The following RGS7 variants were observed in gnomAD, a reference collection of about 807,000 sequenced individuals.
RGS7 encodes regulator of G protein signaling 7, also known as regulator of G-protein signaling 7.
In RGS7, 27 loss-of-function variants were observed where a neutral mutation model predicts 81.1. That is an observed-to-expected ratio of 0.33 (90% CI 0.25 to 0.46). The LOEUF (loss-of-function observed/expected upper bound fraction) is 0.46. RGS7 is among the 20% of genes least tolerant of loss of function. The pLI, the probability that RGS7 is intolerant of heterozygous loss-of-function variation, is 1.00. For synonymous variants in RGS7, 208 were observed against 207.7 expected (o/e 1.00, Z -0.01); for missense variants, 396 against 607.4 (o/e 0.65, Z 3.66).
At position 240,878,489 on chromosome 1, in the gene RGS7, CTT is replaced by C. The variant is rs57896753; in HGVS notation, c.386-8372_386-8371del. Among the ~76,000 whole-genome samples, 1,000 of 117,538 alleles carry C rather than the reference CTT, an allele frequency of 8.5e-3. 3 individuals carry two copies. The highest frequency in any genetic ancestry group is 9.9e-3 in the African/African-American group (323 of 32,512). 77.1% of individuals were successfully genotyped at this position (117,538 alleles called of 152,430 possible). On this transcript the variant is annotated intron_variant, in intron 6 of 18. Coordinates refer to ENST00000440928, the MANE Select transcript of RGS7 (RefSeq NM_001364886.1). ...CTTTTCTTTCTTTTCTTTTTTCTTT[CTT>C]TTTTTTTTTTTTTTGCTTTGATGAA...
At chr1:241,196,718 T>G (rs971347386) in intron 2 of RGS7, among the ~76,000 whole-genome samples, 9 of 152,062 alleles carry the variant, frequency 5.9e-5, no homozygotes, top group African/African-American at 2.2e-4. Context: ...ACAATAATAC[T>G]AAAGTCTTAT....
At chr1:241,154,844 A>G (rs560943399) in intron 2 of RGS7, among the ~76,000 whole-genome samples, 1 of 152,268 alleles carries the variant, frequency 6.6e-6, no homozygotes, top group South Asian at 2.1e-4. Context: ...CCATCTAACA[A>G]ATGCTCACGT....
At chr1:241,162,486 C>T (rs2103206631) in intron 2 of RGS7, among the ~76,000 whole-genome samples, 1 of 152,308 alleles carries the variant, frequency 6.6e-6, no homozygotes, top group Non-Finnish European at 1.5e-5. Context: ...AAAAACCCTG[C>T]CAAGGTATAA....
chr1:241,060,994 G>A (rs1199575613), intron 3 of RGS7, among the ~76,000 whole-genome samples: 2 of 152,218 alleles, frequency 1.3e-5, no homozygotes, highest in African/African-American at 2.4e-5. Flanking sequence ...GGCTGTGCCA[G>A]GCCCATGCCA....
In RGS7 at chr1:240,812,342, G is replaced by A. The variant is rs145448361; in HGVS notation, c.957-299C>T. On this transcript the variant is annotated intron_variant, in intron 13 of 18. Transcript: ENST00000440928. Reference sequence around the variant, plus strand: ...TTAATCTTATTATTTTCCAGATGAGGACAGTGAGGCACAGTATTATCACTT... The same window carrying A: ...TTAATCTTATTATTTTCCAGATGAGAACAGTGAGGCACAGTATTATCACTT... 9.9e-3 allele frequency among the ~76,000 whole-genome samples: 1,512 copies of A among 152,058 alleles called. 22 individuals are homozygous for A. Among genetic ancestry groups the A allele is most frequent in the African/African-American group, 0.035 (1,431 of 41,472 alleles).
chr1:240,999,866 G>A (rs913823721), intron 3 of RGS7, among the ~76,000 whole-genome samples: 1 of 152,086 alleles, frequency 6.6e-6, no homozygotes, highest in African/African-American at 2.4e-5. Flanking sequence ...GCCTATCAAA[G>A]TGCTGCGACT....
intron 2 of RGS7, among the ~76,000 whole-genome samples, chr1:241,167,133 G>A (rs1220674854): frequency 6.6e-6 from 1 of 152,156 alleles, no homozygotes; most frequent in Non-Finnish European, 1.5e-5. Flanking sequence ...ACAGACCCGG[G>A]GGAGAGGACG....
At chr1:241,227,396 G>T (rs1311950847) in intron 2 of RGS7, among the ~76,000 whole-genome samples, 1 of 152,064 alleles carries the variant, frequency 6.6e-6, no homozygotes, top group African/African-American at 2.4e-5. Context: ...AAGTCTCTGA[G>T]GCGGCAGGCA....
chr1:241,068,258 A>ATATAT (rs372573670), intron 3 of RGS7, among the ~76,000 whole-genome samples: 3 of 48,890 alleles, frequency 6.1e-5, no homozygotes, highest in Non-Finnish European at 1.3e-4. Context: ...ATATATATAT[A>ATATAT]AAATATTGTG....
chr1:241,031,437 T>C (rs1282551414), intron 3 of RGS7, among the ~76,000 whole-genome samples: 6 of 152,324 alleles, frequency 3.9e-5, no homozygotes, highest in South Asian at 2.1e-4. Context: ...GTGATAAACA[T>C]ACAAGTGCAG....
At chr1:240,987,599 C>T (rs1354052829) in intron 3 of RGS7, among the ~76,000 whole-genome samples, 4 of 151,386 alleles carry the variant, frequency 2.6e-5, no homozygotes, top group African/African-American at 7.3e-5. Context: ...ATCACCTCAT[C>T]GCAGCCTCAA....
intron 6 of RGS7, among the ~76,000 whole-genome samples, chr1:240,878,528 A>G (rs954476551): frequency 7.0e-6 from 1 of 142,288 alleles, no homozygotes; most frequent in African/African-American, 2.6e-5. Flanking sequence ...TAACTAATTA[A>G]CTATAATTTG....
intron 2 of RGS7, among the ~76,000 whole-genome samples, chr1:241,196,914 A>T (rs1034541010): frequency 2.6e-5 from 4 of 151,690 alleles, no homozygotes; most frequent in African/African-American, 9.7e-5. Context: ...ATACAATGGT[A>T]AAAGAATGTG....
At chr1:241,214,638 A>G (rs996099578) in intron 2 of RGS7, among the ~76,000 whole-genome samples, 1 of 152,156 alleles carries the variant, frequency 6.6e-6, no homozygotes, top group Non-Finnish European at 1.5e-5. Flanking sequence ...AGATAAAAGT[A>G]TATCAGATCA....
At chr1:241,326,883 C>G (rs1314942151) in intron 2 of RGS7, among the ~76,000 whole-genome samples, 1 of 147,492 alleles carries the variant, frequency 6.8e-6, no homozygotes, top group Non-Finnish European at 1.5e-5. Context: ...GCTCCCCAGC[C>G]TGGGTGACAG....
chr1:241,320,187 T>C (rs1205137991), intron 2 of RGS7, among the ~76,000 whole-genome samples: 1 of 152,218 alleles, frequency 6.6e-6, no homozygotes, highest in African/African-American at 2.4e-5. Context: ...CCCTGAAGCA[T>C]CATGCTAATT....
At chr1:240,950,279 T>C (rs1169404917) in intron 4 of RGS7, among the ~76,000 whole-genome samples, 2 of 152,120 alleles carry the variant, frequency 1.3e-5, no homozygotes, top group African/African-American at 4.8e-5. Context: ...GAAAGATCCC[T>C]CATGGCTCTG....
At chr1:241,071,716 TA>T (rs1331183191) in intron 3 of RGS7, among the ~76,000 whole-genome samples, 1 of 150,120 alleles carries the variant, frequency 6.7e-6, no homozygotes, top group African/African-American at 2.4e-5. Flanking sequence ...CAAAAAAATT[TA>T]AAAAAAATTA....
intron 2 of RGS7, among the ~76,000 whole-genome samples, chr1:241,259,374 G>A (rs1304626370): frequency 1.3e-5 from 2 of 151,902 alleles, no homozygotes; most frequent in African/African-American, 4.8e-5. Context: ...TGTATTACTG[G>A]CCAGGCGCAG....
Sources: allele counts gnomAD v4.1 joint callset (sites outside exome capture counted in the v4.1 genomes callset), GRCh38; gene constraint gnomAD v4.1.1; transcripts MANE v1.5; gene names NCBI Gene and HGNC (gene_info 2026-07-23, HGNC 2026-07-21).